The following RBFOX1 variants were observed in gnomAD, a reference collection of about 807,000 sequenced individuals.
RBFOX1 encodes the protein RNA binding protein fox-1 homolog 1.
RBFOX1 carries 8 observed loss-of-function variants against 57.7 expected under a neutral mutation model. That is an observed-to-expected ratio of 0.14 (90% CI 0.08 to 0.25). RBFOX1 has a LOEUF of 0.25. RBFOX1 is among the 10% of genes least tolerant of loss of function. The probability of loss-of-function intolerance (pLI) is 1.00; values close to 1 mark genes in which losing one functional copy is unlikely to be tolerated. For missense variants in RBFOX1, 611 were observed against 548.5 expected (o/e 1.11, Z -1.14); for synonymous variants, 326 against 222.4 (o/e 1.47, Z -4.15).
intron 4 of RBFOX1, among the ~76,000 whole-genome samples, chr16:7,355,102 G>A (rs925486309): frequency 5.9e-5 from 9 of 152,150 alleles, no homozygotes; most frequent in Non-Finnish European, 1.3e-4. Context: ...GGTAGCTACC[G>A]CTATCACCCA....
At chr16:5,514,801 T>A (rs1396321162) in intron 2 of RBFOX1, among the ~76,000 whole-genome samples, 1 of 152,036 alleles carries the variant, frequency 6.6e-6, no homozygotes, top group African/African-American at 2.4e-5. Flanking sequence ...AAAAAAGAGA[T>A]AACATAGTTC....
chr16:6,026,691 A>G lies in RBFOX1; in HGVS notation c.-127+6699A>G, dbSNP rs183161735. 2.2e-3 allele frequency among the ~76,000 whole-genome samples: 330 copies of G among 152,356 alleles called. 2 individuals are homozygous for G. The highest frequency in any genetic ancestry group is 7.5e-3 in the African/African-American group (310 of 41,590). ...CAGTATTACTTTATCGTTGTGTAAG[A>G]GCCTCGCTAGATTTCTGCACTGGTG... On this transcript the variant is annotated intron_variant, in intron 1 of 15. Transcript: ENST00000550418.
intron 4 of RBFOX1, among the ~76,000 whole-genome samples, chr16:7,107,028 T>C (rs764914104): frequency 1.4e-5 from 2 of 139,570 alleles, no homozygotes; most frequent in East Asian, 2.2e-4. Flanking sequence ...AAATGCATAA[T>C]TGCAGCCTGT....
At chr16:6,377,765 T>C (rs948744583) in intron 2 of RBFOX1, among the ~76,000 whole-genome samples, 1 of 152,238 alleles carries the variant, frequency 6.6e-6, no homozygotes, top group Non-Finnish European at 1.5e-5. Context: ...ACTAAAATTT[T>C]AATCAGGAAT....
intron 4 of RBFOX1, among the ~76,000 whole-genome samples, chr16:7,110,428 A>G (rs1164259648): frequency 6.6e-6 from 1 of 152,164 alleles, no homozygotes; most frequent in African/African-American, 2.4e-5. Flanking sequence ...ATTTGCTTGC[A>G]AAACACAGCA....
At chr16:6,667,655 A>G (rs1452514670) in intron 3 of RBFOX1, among the ~76,000 whole-genome samples, 1 of 152,046 alleles carries the variant, frequency 6.6e-6, no homozygotes, top group Non-Finnish European at 1.5e-5. Context: ...CACAAGTGGG[A>G]GGATTACTTG....
chr16:7,156,431 A>G (rs910494672), intron 4 of RBFOX1, among the ~76,000 whole-genome samples: 3 of 152,076 alleles, frequency 2.0e-5, no homozygotes, highest in African/African-American at 7.2e-5. Context: ...TTGTACATAC[A>G]CATGTAGATA....
chr16:7,635,391 A>G (rs1467066296), intron 11 of RBFOX1, among the ~76,000 whole-genome samples: 4 of 152,236 alleles, frequency 2.6e-5, no homozygotes. Flanking sequence ...CAATAGTAAC[A>G]GGTGCTCATT....
intron 2 of RBFOX1, among the ~76,000 whole-genome samples, chr16:6,527,527 C>G (rs944868074): frequency 2.0e-5 from 3 of 152,072 alleles, no homozygotes; most frequent in Non-Finnish European, 2.9e-5. Context: ...ATGTTTCTGT[C>G]TGTTCACTGC....
intron 14 of RBFOX1, among the ~76,000 whole-genome samples, chr16:7,695,165 T>G (rs1374669349): frequency 6.6e-6 from 1 of 152,200 alleles, no homozygotes; most frequent in African/African-American, 2.4e-5. Flanking sequence ...TCCCTAGTCC[T>G]TTGATGGCCA....
chr16:5,470,882 GCT>G (rs978407842), intron 2 of RBFOX1, among the ~76,000 whole-genome samples: 47 of 151,890 alleles, frequency 3.1e-4, no homozygotes, highest in African/African-American at 1.1e-3. Flanking sequence ...ACGGAGTTTC[GCT>G]CTCGTCACCC....
rs538018983 is a variant in RBFOX1, at chr16:7,204,147, G to A, written c.27+152049G>A. Among the ~76,000 whole-genome samples, 9 of 152,326 alleles carry A rather than the reference G, an allele frequency of 5.9e-5. No homozygotes were observed. In the South Asian group the frequency reaches 1.9e-3, roughly 32 times the overall value. ...ACCCACAGGGTATCTGCAGATACCT[G>A]CCAGAAGGCTTTACTTTCTCAGAGT... is the stretch of plus-strand genomic sequence containing the variant. On this transcript the variant is annotated intron_variant, in intron 4 of 15. Transcript: ENST00000550418.
In RBFOX1 at chr16:6,450,817, A is replaced by G. The variant is rs1243984813; in HGVS notation, c.-64+133760A>G. On this transcript the variant is annotated intron_variant, in intron 2 of 15. Coordinates refer to ENST00000550418, the MANE Select transcript of RBFOX1 (RefSeq NM_018723.4). Reference sequence around the variant, plus strand: ...TATATATATGTATATATATATATATACATATATATATATATATATGTGTAT... The same window carrying G: ...TATATATATGTATATATATATATATGCATATATATATATATATATGTGTAT... Among the ~76,000 whole-genome samples the G allele has an allele frequency of 1.1e-3, 12 of 10,822 alleles. 1 individual carries two copies. Among genetic ancestry groups the G allele is most frequent in the African/African-American group, 5.2e-3 (8 of 1,544 alleles). The allele number at this position is 10,822 out of a possible 152,430, so 7.1% of individuals were successfully genotyped here. A position where few individuals can be genotyped will look rare whatever the true frequency, so the allele number is the denominator to read the frequency against.
At chr16:7,277,216 A>G (rs568538127) in intron 4 of RBFOX1, among the ~76,000 whole-genome samples, 1 of 152,160 alleles carries the variant, frequency 6.6e-6, no homozygotes, top group Non-Finnish European at 1.5e-5. Context: ...CACGTTATTC[A>G]TCCTGGAGGA....
At chr16:7,231,837 A>T (rs767793531) in intron 4 of RBFOX1, among the ~76,000 whole-genome samples, 1 of 152,222 alleles carries the variant, frequency 6.6e-6, no homozygotes, top group Non-Finnish European at 1.5e-5. Context: ...TTCACCTGAA[A>T]TATCTGGAGT....
rs370201381 is a variant in RBFOX1, at chr16:6,811,566, G to T, written c.-16+156916G>T. 1.1e-4 allele frequency among the ~76,000 whole-genome samples: 16 copies of T among 152,268 alleles called. No individual in the cohort carries two copies. The East Asian group carries it at 3.1e-3, about 29-fold the overall frequency. On this transcript the variant is annotated intron_variant, in intron 3 of 15. Transcript: ENST00000550418. ...CTTTTGTTTTGTTTTCTGGCGTTGG[G>T]AAGATTAGCAACCTGGGTGCTAGCA...
At chr16:6,651,186 G>C (rs567542664) in intron 2 of RBFOX1, among the ~76,000 whole-genome samples, 3 of 152,270 alleles carry the variant, frequency 2.0e-5, no homozygotes, top group South Asian at 2.1e-4. Context: ...GCAGGCGTGA[G>C]CCACCACACC....
At position 6,518,166 on chromosome 16, in the gene RBFOX1, A is replaced by C. The variant is rs1310835445; in HGVS notation, c.-63-136437A>C. On this transcript the variant is annotated intron_variant, in intron 2 of 15. Coordinates refer to ENST00000550418, the MANE Select transcript of RBFOX1 (RefSeq NM_018723.4). ...GGAAGTCTAAGTGGATGAGATTAATAGCCTGCCCTGTGGTTTGTTAAATAA... is the reference window on the plus strand; with the variant it reads ...GGAAGTCTAAGTGGATGAGATTAATCGCCTGCCCTGTGGTTTGTTAAATAA... 3.9e-5 allele frequency among the ~76,000 whole-genome samples: 6 copies of C among 152,352 alleles called. No homozygotes were observed. The East Asian group carries it at 5.8e-4, about 15-fold the overall frequency.
rs147509907 is a variant in RBFOX1 at position 7,508,939 on chromosome 16, C to G, written c.28-9208C>G. Among the ~76,000 whole-genome samples, 105 of 152,316 alleles carry G rather than the reference C, an allele frequency of 6.9e-4. 3 individuals carry two copies. In the East Asian group the frequency reaches 0.019, roughly 27 times the overall value. On this transcript the variant is annotated intron_variant, in intron 4 of 15. Coordinates refer to ENST00000550418, the MANE Select transcript of RBFOX1 (RefSeq NM_018723.4). The stretch of plus-strand genomic sequence containing the variant: ...GTGCATGGGACTCTCAAAACCTCTC[C>G]CTTGACAAGCAAGAAAGACATGAGC...
Sources: allele counts gnomAD v4.1 joint callset (sites outside exome capture counted in the v4.1 genomes callset), GRCh38; gene constraint gnomAD v4.1.1; transcripts MANE v1.5; gene names NCBI Gene and HGNC (gene_info 2026-07-23, HGNC 2026-07-21).